MYO9A: variants seen among roughly 807,000 people sequenced by gnomAD.
MYO9A encodes the protein unconventional myosin-IXa.
Under a neutral mutation model 293.3 loss-of-function variants are expected in MYO9A, and 103 were observed. The ratio of observed to expected loss-of-function variants is 0.35; its 90% CI spans 0.30 to 0.41. MYO9A has a LOEUF of 0.41. Among genes scored for constraint, MYO9A ranks in the 10% least tolerant of loss-of-function variants. MYO9A has a pLI of 1.00. For synonymous variants in MYO9A, 1,001 were observed against 1,035.7 expected (o/e 0.97, Z 0.64); for missense variants, 2,685 against 3,033.0 (o/e 0.89, Z 2.69).
chr15:71,997,259 A>C (rs956353493), intron 9 of MYO9A, among the ~76,000 whole-genome samples: 1 of 152,136 alleles, frequency 6.6e-6, no homozygotes, highest in African/African-American at 2.4e-5. Context: ...TAGTACCCCT[A>C]ATGCTTTGCA....
intron 23 of MYO9A, 136 bp downstream of exon 23, chr15:71,901,054 CA>C (rs1265810375): frequency 1.7e-5 from 15 of 873,954 alleles, no homozygotes; most frequent in Non-Finnish European, 2.5e-5. Flanking sequence ...ATGAGCACTT[CA>C]AAATTGGGTA....
chr15:71,994,147 TATA>T (rs1179044926), intron 10 of MYO9A, among the ~76,000 whole-genome samples: 1 of 152,062 alleles, frequency 6.6e-6, no homozygotes, highest in Non-Finnish European at 1.5e-5. Flanking sequence ...GGTCCAGATA[TATA>T]ATGAGACAGA....
In MYO9A at chr15:71,854,401, C is replaced by T; in HGVS notation, c.6322G>A (p.Glu2108Lys). ...CCTGTATCTAGACCCTGCCGAAGCTCCTTGATTTTATTAGTCGAACCAGAC... is the reference window on the plus strand; with the variant it reads ...CCTGTATCTAGACCCTGCCGAAGCTTCTTGATTTTATTAGTCGAACCAGAC... ...RKSGSTNKIK[E>K]LRQGLDTDAE... Residue 2108 changes from glutamate (E) to lysine (K), a missense_variant, in exon 35 of 42, where the codon GAG becomes AAG. Glu to Lys is a moderately conservative substitution (Grantham distance 56). Around this residue, in one of 10 missense-constraint regions of MYO9A, gnomAD observed 238 missense variants for 269.1 expected, o/e 0.88. Coordinates refer to ENST00000356056, the MANE Select transcript of MYO9A (RefSeq NM_006901.4). 6.3e-7 allele frequency: 1 copy of T among 1,597,382 alleles called. No individual in the cohort carries two copies. Among genetic ancestry groups the T allele is most frequent in the Non-Finnish European group, 8.5e-7 (1 of 1,173,154 alleles).
chr15:71,890,105 G>A (rs2057135095), intron 26 of MYO9A: 1 of 152,168 alleles, frequency 6.6e-6, no homozygotes, highest in African/African-American at 2.4e-5. Context: ...CACAGTCAAA[G>A]TGGGTTTTCT....
intron 1 of MYO9A, among the ~76,000 whole-genome samples, chr15:72,060,941 AAGGAG>A (rs1201337993): frequency 2.7e-5 from 4 of 150,920 alleles, no homozygotes; most frequent in African/African-American, 9.7e-5. Flanking sequence ...CCTTCTGCTT[AAGGAG>A]AGGAAAGAGT....
rs768859712 is a variant in MYO9A at position 71,899,908 on chromosome 15, A to G, written c.3249T>C (p.Ala1083=). 1 of 1,614,110 alleles carries G rather than the reference A, an allele frequency of 6.2e-7. No homozygotes were observed. Among genetic ancestry groups the G allele is most frequent in the South Asian group, 1.1e-5 (1 of 91,076 alleles). The change falls in exon 24 of 42, where the codon GCT becomes GCC. Residue 1083 remains alanine, a synonymous_variant. Transcript: ENST00000356056. ...VMASAAALLQ[A]SWRAHLERQR... is the part of the protein sequence containing the mutation. ...GCCTCTCTAAGTGAGCACGCCAGGA[A>G]GCTTGGAGAAGAGCAGCTGCACTAG...
chr15:71,908,443 G>A (rs972624694), intron 19 of MYO9A, among the ~76,000 whole-genome samples: 4 of 152,200 alleles, frequency 2.6e-5, no homozygotes, highest in African/African-American at 4.8e-5. Flanking sequence ...GATTACAGGC[G>A]TGAGCCTGTG....
intron 5 of MYO9A, 37 bp from the exon 6 acceptor site, chr15:72,019,132 GT>G: frequency 2.0e-6 from 3 of 1,507,406 alleles, no homozygotes; most frequent in Non-Finnish European, 2.8e-6. Context: ...AGAAGTAATG[GT>G]TATTATACTC....
chr15:71,940,877 C>T (rs1031861369), intron 15 of MYO9A, among the ~76,000 whole-genome samples: 24 of 151,990 alleles, frequency 1.6e-4, no homozygotes, highest in African/African-American at 4.8e-4. Context: ...GTTATGACTA[C>T]GCCATCTCAC....
intron 8 of MYO9A, 81 bp downstream of exon 8, chr15:72,007,745 G>A (rs1300711042): frequency 7.1e-6 from 10 of 1,409,190 alleles, no homozygotes; most frequent in Middle Eastern, 1.8e-4. Flanking sequence ...GCATTAACCC[G>A]TTTACACCTA....
chr15:72,083,543 C>T lies in MYO9A; in HGVS notation c.-72+34137G>A, dbSNP rs2079618313. Among the ~76,000 whole-genome samples the T allele has an allele frequency of 1.3e-5, 2 of 152,092 alleles. 1 individual carries two copies. Among genetic ancestry groups the T allele is most frequent in the South Asian group, 4.1e-4 (2 of 4,824 alleles). On this transcript the variant is annotated intron_variant, in intron 1 of 41. Coordinates refer to ENST00000356056, the MANE Select transcript of MYO9A (RefSeq NM_006901.4). Reference sequence around the variant, plus strand: ...GATTTTGGTTATTTCTTGTATGCTGCAAGTTTGGGGGTTGGTTTGCTCTTG... The same window carrying T: ...GATTTTGGTTATTTCTTGTATGCTGTAAGTTTGGGGGTTGGTTTGCTCTTG...
At chr15:71,945,052 A>G (rs1174326819) in intron 15 of MYO9A, among the ~76,000 whole-genome samples, 1 of 152,206 alleles carries the variant, frequency 6.6e-6, no homozygotes, top group East Asian at 1.9e-4. Flanking sequence ...GTTTCTGTTA[A>G]TTATCCACTG....
chr15:71,949,264 G>A (rs545051291), intron 15 of MYO9A, among the ~76,000 whole-genome samples: 4 of 152,088 alleles, frequency 2.6e-5, no homozygotes, highest in South Asian at 4.1e-4. Context: ...GTGCAGTGGT[G>A]TGATCTCAAC....
chr15:71,838,779 G>C (rs761193483), intron 39 of MYO9A, among the ~76,000 whole-genome samples: 1 of 152,118 alleles, frequency 6.6e-6, no homozygotes. Context: ...GCCAAGATCA[G>C]GAAGCAGTTT....
At chr15:71,834,162 C>T (rs996473940) in intron 39 of MYO9A, among the ~76,000 whole-genome samples, 20 of 152,004 alleles carry the variant, frequency 1.3e-4, no homozygotes, top group Admixed American at 1.0e-3. Context: ...CACTACAAAT[C>T]CTGTAGACCC....
Position 71,975,344 on chromosome 15 carries a change from T to C in MYO9A, c.1844+2827A>G, listed in dbSNP as rs1295036730. Among the ~76,000 whole-genome samples, 5 of 147,020 alleles carry C rather than the reference T, an allele frequency of 3.4e-5. No individual in the cohort carries two copies. The East Asian group carries it at 7.8e-4, about 23-fold the overall frequency. ...TGTGTAGGTTTTCGTCCATGGTTCC[T>C]GACTTATTAACTACCACAGCCCTTT... On this transcript the variant is annotated intron_variant, in intron 12 of 41. Coordinates refer to ENST00000356056, the MANE Select transcript of MYO9A (RefSeq NM_006901.4).
intron 1 of MYO9A, among the ~76,000 whole-genome samples, chr15:72,071,619 T>C (rs1450729583): frequency 6.6e-6 from 1 of 151,932 alleles, no homozygotes; most frequent in Non-Finnish European, 1.5e-5. Flanking sequence ...CACACGGCTG[T>C]AATCCCCGGT....
In MYO9A at chr15:71,827,059, G is replaced by C. The variant is rs1376033293; in HGVS notation, c.7184-16C>G. On this transcript the variant is annotated splice_polypyrimidine_tract_variant and intron_variant, in intron 41 of 41. Coordinates refer to ENST00000356056, the MANE Select transcript of MYO9A (RefSeq NM_006901.4). ...AAGCTTCTTTCTAATGCAAAAAAGA[G>C]ACCAAAGATGTAAATGACAGTGCCC... is the stretch of plus-strand genomic sequence containing the variant. The C allele has an allele frequency of 1.3e-6, 2 of 1,523,098 alleles. No homozygotes were observed. The highest frequency in any genetic ancestry group is 2.8e-5 in the African/African-American group (2 of 71,670). 94.3% of individuals were successfully genotyped at this position (1,523,098 alleles called of 1,614,324 possible).
At chr15:72,088,037 A>G (rs1231281450) in intron 1 of MYO9A, among the ~76,000 whole-genome samples, 1 of 152,180 alleles carries the variant, frequency 6.6e-6, no homozygotes. Flanking sequence ...GTGCACTACA[A>G]AAAAAGGTCA....
Sources: allele counts gnomAD v4.1 joint callset (sites outside exome capture counted in the v4.1 genomes callset), GRCh38; gene constraint gnomAD v4.1.1; regional missense constraint gnomAD v4.1.1; transcripts MANE v1.5; gene names NCBI Gene and HGNC (gene_info 2026-07-23, HGNC 2026-07-21).